PIGU: variants seen among roughly 807,000 people sequenced by gnomAD.
PIGU encodes phosphatidylinositol glycan anchor biosynthesis class U.
PIGU carries 24 observed loss-of-function variants against 49.9 expected under a neutral mutation model. The ratio of observed to expected loss-of-function variants is 0.48; its 90% CI spans 0.35 to 0.68. The LOEUF is 0.68. PIGU is among the 30% of genes least tolerant of loss of function. The probability of loss-of-function intolerance (pLI) is 0.01; values close to 1 mark genes in which losing one functional copy is unlikely to be tolerated. For synonymous variants in PIGU, 220 were observed against 205.7 expected, an observed-to-expected ratio of 1.07 and a Z score of -0.59; for missense variants, 490 against 532.6, an observed-to-expected ratio of 0.92 and a Z score of 0.79.
intron 6 of PIGU, among the ~76,000 whole-genome samples, chr20:34,634,001 T>G (rs1985877131): frequency 6.6e-6 from 1 of 152,206 alleles, no homozygotes; most frequent in East Asian, 1.9e-4. Flanking sequence ...AAGTAGTTGC[T>G]TCAAAGAAGT....
intron 2 of PIGU, among the ~76,000 whole-genome samples, chr20:34,647,638 C>T (rs1327822949): frequency 6.6e-6 from 1 of 151,870 alleles, no homozygotes. Context: ...ATCTCCTGAC[C>T]TCATGATCTG....
At chr20:34,661,183 A>G (rs1254819934) in intron 1 of PIGU, among the ~76,000 whole-genome samples, 1 of 152,146 alleles carries the variant, frequency 6.6e-6, no homozygotes, top group Admixed American at 6.6e-5. Context: ...CTATTTTAGC[A>G]ATTTCTCTTG....
intron 11 of PIGU, among the ~76,000 whole-genome samples, chr20:34,571,094 C>T (rs1982995133): frequency 6.6e-6 from 1 of 152,150 alleles, no homozygotes; most frequent in African/African-American, 2.4e-5. Context: ...GAAACTGCAA[C>T]CTAGAGAAGT....
intron 7 of PIGU, among the ~76,000 whole-genome samples, chr20:34,603,005 TTCCTCCAC>T (rs776987667): frequency 2.0e-5 from 3 of 152,192 alleles, no homozygotes; most frequent in Non-Finnish European, 4.4e-5. Context: ...TAATTCATAA[TTCCTCCAC>T]TCCAGCCTAC....
chr20:34,585,307 G>T (rs934129261), intron 9 of PIGU, 130 bp downstream of exon 9: 2 of 1,142,386 alleles, frequency 1.8e-6, no homozygotes, highest in Non-Finnish European at 2.5e-6. Flanking sequence ...CTGAAGGCAG[G>T]TTCCTTAGGT....
chr20:34,569,995 T>C (rs914824692), intron 11 of PIGU, among the ~76,000 whole-genome samples: 1 of 152,184 alleles, frequency 6.6e-6, no homozygotes, highest in Non-Finnish European at 1.5e-5. Context: ...GTTTCCTCAT[T>C]TGTATCATGA....
intron 7 of PIGU, among the ~76,000 whole-genome samples, chr20:34,612,820 G>A (rs1181348660): frequency 2.6e-5 from 4 of 151,568 alleles, no homozygotes; most frequent in African/African-American, 4.8e-5. Flanking sequence ...ACAAGGTTTC[G>A]TCATGTTGGC....
At chr20:34,603,063 T>C (rs1011110160) in intron 7 of PIGU, among the ~76,000 whole-genome samples, 1 of 152,076 alleles carries the variant, frequency 6.6e-6, no homozygotes, top group African/African-American at 2.4e-5. Context: ...TTACAATTCA[T>C]ATGTTACAGA....
intron 10 of PIGU, among the ~76,000 whole-genome samples, chr20:34,580,746 G>A (rs1480500598): frequency 3.3e-5 from 5 of 152,238 alleles, no homozygotes; most frequent in Admixed American, 1.3e-4. Context: ...ACACAAAGGT[G>A]AATGAGTTGT....
At chr20:34,572,364 A>C (rs1266554054) in intron 11 of PIGU, among the ~76,000 whole-genome samples, 1 of 151,898 alleles carries the variant, frequency 6.6e-6, no homozygotes, top group Non-Finnish European at 1.5e-5. Flanking sequence ...GTGACAAAAT[A>C]GGCTGGGCGC....
At chr20:34,645,540 G>A (rs1294931581) in intron 2 of PIGU, among the ~76,000 whole-genome samples, 1 of 152,088 alleles carries the variant, frequency 6.6e-6, no homozygotes. Flanking sequence ...GTGCTGCTGG[G>A]ACTATCTGTT....
intron 1 of PIGU, among the ~76,000 whole-genome samples, chr20:34,674,999 A>G (rs1987450531): frequency 6.6e-6 from 1 of 151,020 alleles, no homozygotes; most frequent in African/African-American, 2.4e-5. Context: ...CTGTAATCCC[A>G]GCACTTTGGG....
At chr20:34,563,854 T>G (rs1224440487) in intron 11 of PIGU, among the ~76,000 whole-genome samples, 2 of 152,176 alleles carry the variant, frequency 1.3e-5, no homozygotes, top group South Asian at 2.1e-4. Flanking sequence ...GAGGTTAACA[T>G]CAGCTTGAAA....
intron 7 of PIGU, among the ~76,000 whole-genome samples, chr20:34,607,611 T>C (rs1984665523): frequency 6.6e-6 from 1 of 152,204 alleles, no homozygotes; most frequent in Non-Finnish European, 1.5e-5. Context: ...ACCTGATACC[T>C]CCTGGATGCC....
At chr20:34,632,407 C>T (rs1428796380) in intron 6 of PIGU, among the ~76,000 whole-genome samples, 5 of 149,442 alleles carry the variant, frequency 3.3e-5, no homozygotes, top group African/African-American at 9.9e-5. Context: ...CTCACTCTGT[C>T]GCCCATGCTG....
At chr20:34,603,818 T>C (rs1351168519) in intron 7 of PIGU, among the ~76,000 whole-genome samples, 1 of 150,874 alleles carries the variant, frequency 6.6e-6, no homozygotes, top group East Asian at 1.9e-4. Flanking sequence ...AGAATGTTCA[T>C]TCATACTGGG....
At chr20:34,610,101 C>A (rs1984758203) in intron 7 of PIGU, among the ~76,000 whole-genome samples, 1 of 152,132 alleles carries the variant, frequency 6.6e-6, no homozygotes, top group South Asian at 2.1e-4. Context: ...CAATATCATA[C>A]TGAATGGACA....
At chr20:34,586,737 C>A (rs1983711603) in intron 8 of PIGU, among the ~76,000 whole-genome samples, 1 of 152,152 alleles carries the variant, frequency 6.6e-6, no homozygotes, top group Non-Finnish European at 1.5e-5. Context: ...ATACTCAAGT[C>A]CATTTGAGTT....
At chr20:34,616,791 T>TA (rs914707171) in intron 6 of PIGU, among the ~76,000 whole-genome samples, 36 of 149,244 alleles carry the variant, frequency 2.4e-4, no homozygotes, top group Admixed American at 4.0e-4. Context: ...ATTTATTTTA[T>TA]AAAAAAAAAA....
Sources: allele counts gnomAD v4.1 joint callset (sites outside exome capture counted in the v4.1 genomes callset), GRCh38; gene constraint gnomAD v4.1.1; transcripts MANE v1.5; gene names NCBI Gene and HGNC (gene_info 2026-07-23, HGNC 2026-07-21).